The following DYNC1LI2 variants were observed in gnomAD, a reference collection of about 807,000 sequenced individuals.
DYNC1LI2 encodes the protein dynein cytoplasmic 1 light intermediate chain 2.
A neutral mutation model predicts 57.8 loss-of-function variants in DYNC1LI2; 19 were observed. The observed-to-expected ratio is 0.33, with a 90% CI of 0.23 to 0.48. DYNC1LI2 has a LOEUF of 0.48. Among genes scored for constraint, DYNC1LI2 ranks in the 20% least tolerant of loss-of-function variants. The pLI is 0.99. For synonymous variants in DYNC1LI2, 256 were observed against 233.4 expected, an observed-to-expected ratio of 1.10 and a Z score of -0.88; for missense variants, 470 against 604.2, an observed-to-expected ratio of 0.78 and a Z score of 2.33.
intron 3 of DYNC1LI2, 100 bp from the exon 4 acceptor site, chr16:66,742,768 T>C (rs2017864042): frequency 7.5e-7 from 1 of 1,330,270 alleles, no homozygotes; most frequent in Non-Finnish European, 1.0e-6. Flanking sequence ...GTGACAGCTA[T>C]GAATTCTAAA....
At chr16:66,734,133 G>T in intron 6 of DYNC1LI2, 85 bp downstream of exon 6, 1 of 1,256,548 alleles carries the variant, frequency 8.0e-7, no homozygotes, top group Non-Finnish European at 1.1e-6. Flanking sequence ...ACTATTCTGG[G>T]TTTGGGAGGT....
intron 11 of DYNC1LI2, among the ~76,000 whole-genome samples, chr16:66,726,356 G>A (rs955780124): frequency 6.6e-6 from 1 of 152,240 alleles, no homozygotes; most frequent in Admixed American, 6.5e-5. Context: ...GTATCACTAA[G>A]TTACTGGGAT....
chr16:66,725,998 T>C (rs2017530618), intron 11 of DYNC1LI2, 54 bp from the exon 12 acceptor site: 2 of 1,574,906 alleles, frequency 1.3e-6, no homozygotes, highest in Admixed American at 3.7e-5. Flanking sequence ...AGACTTAAAA[T>C]TAAACACCCT....
chr16:66,741,666 C>CGGCCAGGA (rs1298798764), intron 4 of DYNC1LI2, among the ~76,000 whole-genome samples: 1 of 152,042 alleles, frequency 6.6e-6, no homozygotes, highest in Non-Finnish European at 1.5e-5. Flanking sequence ...AAGCTTGCCC[C>CGGCCAGGA]GGCCAGGACG....
chr16:66,742,514 T>C lies in DYNC1LI2; in HGVS notation c.453A>G (p.Lys151=). ...RPWTVMESLQ[K]WASVLREHID... The stretch of plus-strand genomic sequence containing the variant: ...TGTGCTCACGTAAAACACTAGCCCA[T>C]TTCTGCAGAGATTCCATCACAGTCC... The change falls in exon 4 of 13, where the codon AAA becomes AAG. Residue 151 remains lysine, a synonymous_variant. Coordinates refer to ENST00000258198, the MANE Select transcript of DYNC1LI2 (RefSeq NM_006141.3). 1 of 1,614,254 alleles carries C rather than the reference T, an allele frequency of 6.2e-7. No homozygotes were observed. The highest frequency in any genetic ancestry group is 2.2e-5 in the East Asian group (1 of 44,888).
chr16:66,724,368 C>G (rs977101190), intron 12 of DYNC1LI2, among the ~76,000 whole-genome samples: 1 of 152,106 alleles, frequency 6.6e-6, no homozygotes, highest in Non-Finnish European at 1.5e-5. Flanking sequence ...ACACCTATTT[C>G]CCAGAAGGGA....
chr16:66,744,957 G>A lies in DYNC1LI2; in HGVS notation c.299-2289C>T, dbSNP rs147291671. Among the ~76,000 whole-genome samples, 16 of 152,190 alleles carry A rather than the reference G, an allele frequency of 1.1e-4. No individual in the cohort carries two copies. The East Asian group carries it at 3.1e-3, about 29-fold the overall frequency. ...AGATGGAGTCTCCCTCTGTCACCCA[G>A]GTTGGAATGCAGTGGTGCAAGCTCA... On this transcript the variant is annotated intron_variant, in intron 3 of 12. Coordinates refer to ENST00000258198, the MANE Select transcript of DYNC1LI2 (RefSeq NM_006141.3).
chr16:66,737,443 GA>G (rs1308401842), intron 4 of DYNC1LI2, among the ~76,000 whole-genome samples: 1 of 136,166 alleles, frequency 7.3e-6, no homozygotes, highest in East Asian at 2.2e-4. Flanking sequence ...AGACTCAGTT[GA>G]ACCAGGGAGT....
At position 66,728,244 on chromosome 16, in the gene DYNC1LI2, T is replaced by A; in HGVS notation, c.1102-2A>T. On this transcript the variant is annotated splice_acceptor_variant, in intron 9 of 12. Coordinates refer to ENST00000258198, the MANE Select transcript of DYNC1LI2 (RefSeq NM_006141.3). LOFTEE classifies it high-confidence loss of function. ...GGCTGGTTGCTTGGCAAGGAGTGAC[T>A]GCAAAGAGAGGGACAAACTGGCTAT... The A allele has an allele frequency of 6.2e-7, 1 of 1,614,008 alleles. No individual in the cohort carries two copies. The highest frequency in any genetic ancestry group is 8.5e-7 in the Non-Finnish European group (1 of 1,180,004).
At chr16:66,740,009 T>C (rs1258748376) in intron 4 of DYNC1LI2, among the ~76,000 whole-genome samples, 2 of 152,096 alleles carry the variant, frequency 1.3e-5, no homozygotes, top group African/African-American at 4.8e-5. Context: ...CTCTCTCAAC[T>C]TTTCCCTCCT....
intron 3 of DYNC1LI2, among the ~76,000 whole-genome samples, chr16:66,748,503 G>A (rs762255148): frequency 6.6e-6 from 1 of 152,080 alleles, no homozygotes; most frequent in Non-Finnish European, 1.5e-5. Context: ...AGGAATTAAA[G>A]AATATTACCA....
chr16:66,742,131 C>T (rs868834101), intron 4 of DYNC1LI2, among the ~76,000 whole-genome samples: 1 of 152,164 alleles, frequency 6.6e-6, no homozygotes, highest in African/African-American at 2.4e-5. Context: ...CAGAGAGTAA[C>T]AGAAAAGCAC....
chr16:66,732,689 C>T (rs1050143287), intron 6 of DYNC1LI2: 5 of 408,178 alleles, frequency 1.2e-5, no homozygotes, highest in Non-Finnish European at 1.7e-5. Context: ...GTAAAAAGGT[C>T]ATAGTAGCAG....
rs2018051132 is a variant in DYNC1LI2, at chr16:66,751,428, C to A, written c.107+57G>T. ...CGCGTCGGCCCCTCAGTGTGTCCGA[C>A]GGTCCGGCCCAGAGGCCGCGCCCCC... is the stretch of plus-strand genomic sequence containing the variant. On this transcript the variant is annotated intron_variant, in intron 1 of 12. Transcript: ENST00000258198. The surrounding 1 kb of genome is among the most constrained non-coding windows in gnomAD (Gnocchi z 5.2). The A allele has an allele frequency of 1.3e-6, 2 of 1,580,968 alleles. No homozygotes were observed. Among genetic ancestry groups the A allele is most frequent in the South Asian group, 2.3e-5 (2 of 88,124 alleles).
rs978071569 is a variant in DYNC1LI2, at chr16:66,722,116, G to GCTTTCTC, written c.*1599_*1605dup. 1 of 152,614 alleles carries GCTTTCTC rather than the reference G, an allele frequency of 6.6e-6. No individual in the cohort carries two copies. The highest frequency in any genetic ancestry group is 2.4e-5 in the African/African-American group (1 of 41,440). 9.5% of individuals were successfully genotyped at this position (152,614 alleles called of 1,614,324 possible). On this transcript the variant is annotated 3_prime_UTR_variant, in exon 13 of 13. Transcript: ENST00000258198. ...TATCAGAAAGGCAAGTTGATACTCAGCTTTCTCCTTAACAGTGTTCAGACC... is the reference window on the plus strand; with the variant it reads ...TATCAGAAAGGCAAGTTGATACTCAGCTTTCTCCTTTCTCCTTAACAGTGTTCAGACC...
In DYNC1LI2 at chr16:66,722,238, G is replaced by GT. The variant is rs1423763792; in HGVS notation, c.*1483dup. 1.3e-5 allele frequency: 2 copies of GT among 152,562 alleles called. No homozygotes were observed. The highest frequency in any genetic ancestry group is 4.8e-5 in the African/African-American group (2 of 41,422). The allele number at this position is 152,562 out of a possible 1,614,324, so 9.5% of individuals were successfully genotyped here. ...CTACATTAGTGGTCAGTCAAATCTGGTATGTAAAAGTAATGACATTAGGGA... is the reference window on the plus strand; with the variant it reads ...CTACATTAGTGGTCAGTCAAATCTGGTTATGTAAAAGTAATGACATTAGGGA... On this transcript the variant is annotated 3_prime_UTR_variant, in exon 13 of 13. Coordinates refer to ENST00000258198, the MANE Select transcript of DYNC1LI2 (RefSeq NM_006141.3).
At chr16:66,732,997 G>A (rs541060488) in intron 6 of DYNC1LI2, 1 of 152,380 alleles carries the variant, frequency 6.6e-6, no homozygotes, top group African/African-American at 2.4e-5. Context: ...CTCCACCCCA[G>A]GGTGTGGAAC....
chr16:66,727,685 T>A lies in DYNC1LI2; in HGVS notation c.1261+3A>T. 6.2e-7 allele frequency: 1 copy of A among 1,613,902 alleles called. No homozygotes were observed. Among genetic ancestry groups the A allele is most frequent in the Non-Finnish European group, 8.5e-7 (1 of 1,179,886 alleles). Reference sequence around the variant, plus strand: ...AAGAGACATACTTTTGAGGAATACATACTTTTGATGTTTGGGTCCGGCTTT... The same window carrying A: ...AAGAGACATACTTTTGAGGAATACAAACTTTTGATGTTTGGGTCCGGCTTT... On this transcript the variant is annotated splice_donor_region_variant and intron_variant, in intron 11 of 12. Coordinates refer to ENST00000258198, the MANE Select transcript of DYNC1LI2 (RefSeq NM_006141.3).
At chr16:66,727,542 G>T (rs2144969339) in intron 11 of DYNC1LI2, 146 bp downstream of exon 11, 1 of 706,060 alleles carries the variant, frequency 1.4e-6, no homozygotes, top group Non-Finnish European at 2.3e-6. Flanking sequence ...TGGAATGGGG[G>T]AAATGGAAAG....
Sources: gnomAD v4.1 joint callset for allele counts (sites outside exome capture counted in the v4.1 genomes callset) on GRCh38, gnomAD v4.1.1 for gene constraint, Gnocchi (gnomAD v3.1) non-coding constraint, MANE v1.5 for transcripts, NCBI Gene and HGNC (gene_info 2026-07-23, HGNC 2026-07-21) for gene names.